Variants in GNAO1 observed in about 807,000 individuals in gnomAD.
GNAO1 encodes G protein subunit alpha o1.
For synonymous variants in GNAO1, 164 were observed against 180.7 expected, an observed-to-expected ratio of 0.91 and a Z score of 0.74; for missense variants, 166 against 478.7, an observed-to-expected ratio of 0.35 and a Z score of 6.10.
intron 2 of GNAO1, among the ~76,000 whole-genome samples, chr16:56,246,719 C>T (rs2036748496): frequency 1.3e-5 from 2 of 152,312 alleles, no homozygotes; most frequent in South Asian, 4.1e-4. Context: ...TGCCCTCCCA[C>T]TCCAGTGATC....
At position 56,311,801 on chromosome 16, in the gene GNAO1, G is replaced by T. The variant is rs1334940265; in HGVS notation, c.304-16830G>T. On this transcript the variant is annotated intron_variant, in intron 3 of 8. Transcript: ENST00000262493. This position sits in a 1 kb window ranked among gnomAD's most constrained non-coding sequence, Gnocchi z 5.2. ...CAGCACGGCCCGCTGGGACCTCCTT[G>T]CCTGGCCCAGCTGCTGCATGGCCAT... 6.6e-6 allele frequency among the ~76,000 whole-genome samples: 1 copy of T among 152,120 alleles called. No individual in the cohort carries two copies. Among genetic ancestry groups the T allele is most frequent in the Non-Finnish European group, 1.5e-5 (1 of 67,994 alleles).
intron 4 of GNAO1, among the ~76,000 whole-genome samples, chr16:56,333,284 C>A (rs2037708557): frequency 6.6e-6 from 1 of 150,616 alleles, no homozygotes; most frequent in Non-Finnish European, 1.5e-5. Flanking sequence ...ACGATCTCAA[C>A]TCACTGCAAC....
intron 3 of GNAO1, among the ~76,000 whole-genome samples, chr16:56,310,452 T>C (rs1224701125): frequency 1.3e-5 from 2 of 152,242 alleles, no homozygotes; most frequent in Non-Finnish European, 2.9e-5. Flanking sequence ...ACAAAAATTA[T>C]GCGAGTAACT....
intron 2 of GNAO1, among the ~76,000 whole-genome samples, chr16:56,217,037 A>T (rs1344504903): frequency 6.6e-6 from 1 of 152,248 alleles, no homozygotes; most frequent in Non-Finnish European, 1.5e-5. Context: ...GCCTTGAGAG[A>T]GGACATCTTT....
Position 56,336,848 on chromosome 16 carries a change from A to G in GNAO1, c.711A>G (p.Glu237=). Residue 237 remains glutamate, a synonymous_variant, in exon 6 of 9, where the codon GAA becomes GAG. Coordinates refer to ENST00000262493, the MANE Select transcript of GNAO1 (RefSeq NM_020988.3). ...GCGGCTATGACCAGGTGCTCCACGA[A>G]GACGAAACCACGGTGAGTGGCCTGG... is the stretch of plus-strand genomic sequence containing the variant. ...ALSGYDQVLH[E]DETTNRMHES... is the part of the protein sequence containing the mutation. 6.2e-7 allele frequency: 1 copy of G among 1,611,716 alleles called. No homozygotes were observed. Among genetic ancestry groups the G allele is most frequent in the Non-Finnish European group, 8.5e-7 (1 of 1,179,614 alleles).
chr16:56,283,819 G>T (rs1257866212), intron 3 of GNAO1, among the ~76,000 whole-genome samples: 1 of 152,154 alleles, frequency 6.6e-6, no homozygotes, highest in Non-Finnish European at 1.5e-5. Flanking sequence ...AACAGCCCCA[G>T]AGCCTGCCCT....
At chr16:56,264,803 A>G (rs952445769) in intron 2 of GNAO1, among the ~76,000 whole-genome samples, 3 of 148,616 alleles carry the variant, frequency 2.0e-5, no homozygotes, top group Non-Finnish European at 4.5e-5. Context: ...CGTATAGTAT[A>G]TAGTATTAAT....
At chr16:56,229,021 T>C (rs1370861087) in intron 2 of GNAO1, among the ~76,000 whole-genome samples, 3 of 152,232 alleles carry the variant, frequency 2.0e-5, no homozygotes. Context: ...GCTCAGTATA[T>C]ATTTGTTGAT....
chr16:56,277,692 CT>C (rs1258719461), intron 3 of GNAO1, among the ~76,000 whole-genome samples: 4 of 151,966 alleles, frequency 2.6e-5, no homozygotes, highest in African/African-American at 7.3e-5. Context: ...GGCCTCTGGT[CT>C]GTCTGTCTCC....
chr16:56,251,187 AGGAGAC>A (rs1267839450), intron 2 of GNAO1, among the ~76,000 whole-genome samples: 1 of 152,204 alleles, frequency 6.6e-6, no homozygotes, highest in Non-Finnish European at 1.5e-5. Context: ...TTTATAGATG[AGGAGAC>A]TGAGGGTTAG....
At chr16:56,252,991 C>T (rs2036813624) in intron 2 of GNAO1, among the ~76,000 whole-genome samples, 2 of 152,218 alleles carry the variant, frequency 1.3e-5, no homozygotes, top group Admixed American at 6.5e-5. Context: ...GGCTGATGCA[C>T]TCACATTGCT....
At chr16:56,214,349 C>T (rs1399185126) in intron 2 of GNAO1, among the ~76,000 whole-genome samples, 1 of 152,140 alleles carries the variant, frequency 6.6e-6, no homozygotes, top group Non-Finnish European at 1.5e-5. Flanking sequence ...CTTTGGGCTC[C>T]ACCGTAGACG....
chr16:56,221,119 T>C (rs1371781893), intron 2 of GNAO1, among the ~76,000 whole-genome samples: 1 of 152,120 alleles, frequency 6.6e-6, no homozygotes, highest in Non-Finnish European at 1.5e-5. Context: ...CCTTCTACCT[T>C]CTGCCATGGG....
intron 2 of GNAO1, among the ~76,000 whole-genome samples, chr16:56,254,591 T>A (rs957355180): frequency 4.5e-4 from 69 of 152,172 alleles, no homozygotes; most frequent in Admixed American, 1.5e-3. Flanking sequence ...ATAAACAGCA[T>A]GCACCTGGAG....
chr16:56,281,648 G>A (rs2037115718), intron 3 of GNAO1, among the ~76,000 whole-genome samples: 1 of 149,118 alleles, frequency 6.7e-6, no homozygotes, highest in Non-Finnish European at 1.5e-5. Flanking sequence ...TCATTATTAT[G>A]TAAATTGTCT....
At position 56,274,918 on chromosome 16, in the gene GNAO1, A is replaced by C. The variant is rs551825923; in HGVS notation, c.162-1013A>C. Among the ~76,000 whole-genome samples the C allele has an allele frequency of 2.6e-5, 4 of 152,342 alleles. No individual in the cohort carries two copies. The South Asian group carries it at 8.3e-4, about 32-fold the overall frequency. On this transcript the variant is annotated intron_variant, in intron 2 of 8. Coordinates refer to ENST00000262493, the MANE Select transcript of GNAO1 (RefSeq NM_020988.3). Reference sequence around the variant, plus strand: ...AGTAGGTAGAGTCTATATATGAACTATATCTCAATAAAACTGTTGTTTTTA... The same window carrying C: ...AGTAGGTAGAGTCTATATATGAACTCTATCTCAATAAAACTGTTGTTTTTA...
chr16:56,192,744 A>C (rs564441822), intron 2 of GNAO1, 128 bp downstream of exon 2: 60 of 645,546 alleles, frequency 9.3e-5, no homozygotes, highest in Non-Finnish European at 1.7e-4. Flanking sequence ...ACACACACAC[A>C]CACACACCCC....
At chr16:56,235,197 C>G (rs1396646130) in intron 2 of GNAO1, 1 of 402,706 alleles carries the variant, frequency 2.5e-6, no homozygotes, top group Non-Finnish European at 4.9e-6. Flanking sequence ...CAAGTTATGT[C>G]TTCTAGCATT....
At chr16:56,226,727 CAATA>C (rs2036536096) in intron 2 of GNAO1, among the ~76,000 whole-genome samples, 1 of 152,210 alleles carries the variant, frequency 6.6e-6, no homozygotes, top group Non-Finnish European at 1.5e-5. Flanking sequence ...TCAGTCCTTT[CAATA>C]ACTATGAGTT....
Sources: gnomAD v4.1 joint callset for allele counts (sites outside exome capture counted in the v4.1 genomes callset) on GRCh38, gnomAD v4.1.1 for gene constraint, Gnocchi (gnomAD v3.1) non-coding constraint, MANE v1.5 for transcripts, NCBI Gene and HGNC (gene_info 2026-07-23, HGNC 2026-07-21) for gene names.